The following C2 variants were observed in gnomAD, a reference collection of about 807,000 sequenced individuals.
C2 encodes the protein C3/C5 convertase.
C2 carries 64 observed loss-of-function variants against 85.2 expected under a neutral mutation model. The observed-to-expected ratio is 0.75, with a 90% CI of 0.61 to 0.92. The LOEUF is 0.92. Ranked by LOEUF, C2 falls within the 40% of genes least tolerant of loss-of-function variation. C2 has a pLI of 0.00. For missense variants in C2, 820 were observed against 971.6 expected (o/e 0.84, Z 2.07); for synonymous variants, 311 against 370.8 (o/e 0.84, Z 1.85).
At chr6:31,934,549 A>T in intron 6 of C2, 1 of 1,443,218 alleles carries the variant, frequency 6.9e-7, no homozygotes, top group Non-Finnish European at 9.2e-7. Flanking sequence ...CTTACTTTCC[A>T]GGAATTCATC....
Position 31,935,014 on chromosome 6 carries a change from A to G in C2, c.849+715A>G. 1.2e-6 allele frequency: 1 copy of G among 832,752 alleles called. No individual in the cohort carries two copies. The highest frequency in any genetic ancestry group is 1.4e-6 in the Non-Finnish European group (1 of 692,152). The allele number at this position is 832,752 out of a possible 1,614,324, so 51.6% of individuals were successfully genotyped here. The stretch of plus-strand genomic sequence containing the variant: ...CTAGAGCAAAACTCTGTCTCAAAAA[A>G]ATAAATAAAATAAAATAAAATAAAA... On this transcript the variant is annotated intron_variant, in intron 6 of 17. Transcript: ENST00000299367. This position sits in a 1 kb window ranked among gnomAD's most constrained non-coding sequence, Gnocchi z 4.3.
chr6:31,908,055 C>T (rs1322210785), intron 1 of C2, among the ~76,000 whole-genome samples: 3 of 151,226 alleles, frequency 2.0e-5, no homozygotes, highest in African/African-American at 7.3e-5. Context: ...ACCATGTTGG[C>T]CAGGCTGGTC....
At chr6:31,938,384 T>C (rs947723128) in intron 8 of C2, among the ~76,000 whole-genome samples, 1 of 151,392 alleles carries the variant, frequency 6.6e-6, no homozygotes, top group African/African-American at 2.4e-5. Flanking sequence ...TGAGTTAAAG[T>C]ATAGGAAGCA....
upstream of C2, among the ~76,000 whole-genome samples, chr6:31,922,766 C>T (rs1769054261): frequency 6.6e-6 from 1 of 152,132 alleles, no homozygotes; most frequent in Non-Finnish European, 1.5e-5. This position sits in a 1 kb window ranked among gnomAD's most constrained non-coding sequence, Gnocchi z 4.8. Flanking sequence ...CCCTTGAACC[C>T]AGGAGGTGGA....
At position 31,920,808 on chromosome 6, in the gene C2, G is replaced by T. The variant is rs1768911914; in HGVS notation, c.-100+782G>T. On this transcript the variant is annotated intron_variant, in intron 1 of 3. Transcript: ENST00000413154. This position sits in a 1 kb window ranked among gnomAD's most constrained non-coding sequence, Gnocchi z 5.6. ...GGACAGGCCTTCTGTTTCTTGGGAG[G>T]CCCTACCCCACCCCTTAGTTCCTCG... Among the ~76,000 whole-genome samples, 1 of 152,120 alleles carries T rather than the reference G, an allele frequency of 6.6e-6. No homozygotes were observed.
upstream of C2, chr6:31,900,181 G>A: frequency 6.2e-7 from 1 of 1,614,230 alleles, no homozygotes; most frequent in Non-Finnish European, 8.5e-7. The surrounding 1 kb of genome is among the most constrained non-coding windows in gnomAD (Gnocchi z 9.7). Flanking sequence ...TCATGTGGCG[G>A]TTGAGGTTGC....
intron 7 of C2, 113 bp from the exon 8 acceptor site, chr6:31,937,206 C>CAAAAAA: frequency 2.0e-6 from 2 of 1,024,350 alleles, no homozygotes; most frequent in Non-Finnish European, 1.4e-6. Context: ...GAGACTCTCT[C>CAAAAAA]AAAAAAAAAA....
chr6:31,944,872 C>T lies in C2; in HGVS notation c.2029+19C>T, dbSNP rs914208688. 4 of 1,612,954 alleles carry T rather than the reference C, an allele frequency of 2.5e-6. No homozygotes were observed. The highest frequency in any genetic ancestry group is 3.4e-6 in the Non-Finnish European group (4 of 1,180,026). ...TGCAAGGGTGAGTCCCTCACCATGC[C>T]TGGATTCCCAAGGGGAAGGCCACCT... On this transcript the variant is annotated intron_variant, in intron 16 of 17. Coordinates refer to ENST00000299367, the MANE Select transcript of C2 (RefSeq NM_000063.6). The surrounding 1 kb of genome is among the most constrained non-coding windows in gnomAD (Gnocchi z 5.1).
At chr6:31,931,961 C>G (rs1582079294) in intron 3 of C2, among the ~76,000 whole-genome samples, 1 of 135,678 alleles carries the variant, frequency 7.4e-6, no homozygotes, top group South Asian at 2.5e-4. Context: ...CCACCTCCCT[C>G]CCGGACGGGG....
chr6:31,925,184 T>A (rs559010651), upstream of C2, among the ~76,000 whole-genome samples: 1 of 152,322 alleles, frequency 6.6e-6, no homozygotes, highest in African/African-American at 2.4e-5. Context: ...TTCCTACATA[T>A]TGGGTGGGTA....
upstream of C2, among the ~76,000 whole-genome samples, chr6:31,915,823 T>C (rs1768463217): frequency 6.6e-6 from 1 of 152,248 alleles, no homozygotes; most frequent in Non-Finnish European, 1.5e-5. Flanking sequence ...TCAGGAGGGC[T>C]GAGGAATTCC....
rs1242753633 is a variant in C2, at chr6:31,944,116, C to T, written c.1811-19C>T. ...TGGGTAAAAGGACCAGCACCAACAT[C>T]CCCTTCTCTTGACTATAGAGAATGA... On this transcript the variant is annotated intron_variant, in intron 14 of 17. Coordinates refer to ENST00000299367, the MANE Select transcript of C2 (RefSeq NM_000063.6). This position sits in a 1 kb window ranked among gnomAD's most constrained non-coding sequence, Gnocchi z 5.1. 5 of 1,600,794 alleles carry T rather than the reference C, an allele frequency of 3.1e-6. No homozygotes were observed. Among genetic ancestry groups the T allele is most frequent in the Non-Finnish European group, 3.4e-6 (4 of 1,169,102 alleles).
At chr6:31,914,416 C>T (rs546896221) in intron 1 of C2, among the ~76,000 whole-genome samples, 3 of 149,402 alleles carry the variant, frequency 2.0e-5, no homozygotes, top group African/African-American at 7.4e-5. Context: ...TATGGTGAAA[C>T]CCCATCTCTA....
At chr6:31,929,458 C>T (rs1249290115) in intron 3 of C2, among the ~76,000 whole-genome samples, 2 of 152,088 alleles carry the variant, frequency 1.3e-5, no homozygotes, top group East Asian at 1.9e-4. Context: ...CGGTGGCTCA[C>T]GCCTGTAATC....
In C2 at chr6:31,920,301, C is replaced by G. The variant is rs1157169772; in HGVS notation, c.-100+275C>G. The G allele has an allele frequency of 6.6e-6, 1 of 152,220 alleles. No individual in the cohort carries two copies. Among genetic ancestry groups the G allele is most frequent in the Non-Finnish European group, 1.5e-5 (1 of 68,080 alleles). The allele number at this position is 152,220 out of a possible 1,614,324, so 9.4% of individuals were successfully genotyped here. A position where few individuals can be genotyped will look rare whatever the true frequency, so the allele number is the denominator to read the frequency against. ...TTCTCCCATGTGAGCCCCAGGCTAT[C>G]CTTTTGTCAAGAGGGTACTGGTACC... On this transcript the variant is annotated intron_variant, in intron 1 of 3. Transcript: ENST00000413154. This position sits in a 1 kb window ranked among gnomAD's most constrained non-coding sequence, Gnocchi z 5.6.
At chr6:31,936,112 T>C (rs1352031099) in intron 7 of C2, 51 bp downstream of exon 7, 1 of 1,599,834 alleles carries the variant, frequency 6.3e-7, no homozygotes, top group Non-Finnish European at 8.5e-7. Context: ...ATGGACCCTC[T>C]CAGGGCCTGC....
At position 31,944,848 on chromosome 6, in the gene C2, G is replaced by A. The variant is rs1311719806; in HGVS notation, c.2024G>A (p.Cys675Tyr). ...CSGTQEDESP[C>Y]KGESGGAVFL... is the part of the protein sequence containing the mutation. ...GGGACCCAGGAGGATGAGAGTCCCT[G>A]CAAGGGTGAGTCCCTCACCATGCCT... The change falls in exon 16 of 18, where the codon TGC becomes TAC. Residue 675 changes from cysteine (C) to tyrosine (Y), a missense_variant. Physicochemically the swap from Cys to Tyr is radical, Grantham distance 194. Coordinates refer to ENST00000299367, the MANE Select transcript of C2 (RefSeq NM_000063.6). The surrounding 1 kb of genome is among the most constrained non-coding windows in gnomAD (Gnocchi z 5.1). 1 of 1,613,072 alleles carries A rather than the reference G, an allele frequency of 6.2e-7. No individual in the cohort carries two copies.
At chr6:31,936,083 G>A (rs768234923) in intron 7 of C2, 22 bp downstream of exon 7, 19 of 1,611,774 alleles carry the variant, frequency 1.2e-5, no homozygotes, top group Non-Finnish European at 1.6e-5. Flanking sequence ...ATCACGTGAT[G>A]GTGATGAGAG....
chr6:31,941,463 C>T (rs1196038014), intron 9 of C2: 1 of 152,260 alleles, frequency 6.6e-6, no homozygotes, highest in African/African-American at 2.4e-5. Flanking sequence ...GACCCACTAC[C>T]TGTGTCTTTG....
Sources: allele counts gnomAD v4.1 joint callset (sites outside exome capture counted in the v4.1 genomes callset), GRCh38; gene constraint gnomAD v4.1.1; non-coding constraint Gnocchi (gnomAD v3.1); transcripts MANE v1.5; gene names NCBI Gene and HGNC (gene_info 2026-07-23, HGNC 2026-07-21).